Variants in BDH1 observed in about 807,000 individuals in gnomAD.
BDH1 encodes the protein D-beta-hydroxybutyrate dehydrogenase, mitochondrial.
BDH1 carries 30 observed loss-of-function variants against 33.1 expected under a neutral mutation model. That is an observed-to-expected ratio of 0.91 (90% CI 0.68 to 1.23). The LOEUF is 1.23. Among genes scored for constraint, BDH1 ranks in the 50% most tolerant of loss-of-function variants. The probability of loss-of-function intolerance (pLI) is 0.00; values close to 1 mark genes in which losing one functional copy is unlikely to be tolerated. For missense variants in BDH1, 443 were observed against 464.4 expected (o/e 0.95, Z 0.42); for synonymous variants, 190 against 183.6 (o/e 1.03, Z -0.28).
In BDH1 at chr3:197,561,372, C is replaced by T. The variant is rs565152834; in HGVS notation, c.-44+11809G>A. 8.5e-4 allele frequency among the ~76,000 whole-genome samples: 130 copies of T among 152,196 alleles called. 1 individual carries two copies. Among genetic ancestry groups the T allele is most frequent in the African/African-American group, 3.0e-3 (124 of 41,482 alleles). ...CTTTTTTTTGGAGTTTTATTTGCTT[C>T]CAACAAGGAAGGCAAGATTTCCTCT... On this transcript the variant is annotated intron_variant, in intron 1 of 6. Coordinates refer to the BDH1 transcript ENST00000358186.
At chr3:197,568,945 TG>T (rs1196105399) in intron 1 of BDH1, among the ~76,000 whole-genome samples, 1 of 152,234 alleles carries the variant, frequency 6.6e-6, no homozygotes, top group Non-Finnish European at 1.5e-5. Context: ...TAGCAATAAA[TG>T]GTTCATTTCT....
upstream of BDH1, among the ~76,000 whole-genome samples, chr3:197,558,413 T>C (rs111782362): frequency 6.6e-6 from 1 of 152,216 alleles, no homozygotes; most frequent in Non-Finnish European, 1.5e-5. Flanking sequence ...TTCTGAGATA[T>C]GTTCTATGCA....
chr3:197,535,976 G>A (rs145034270), intron 3 of BDH1, among the ~76,000 whole-genome samples: 3,356 of 152,066 alleles, frequency 0.022, 126 homozygotes, highest in African/African-American at 0.077. Context: ...AGCCCAGGAG[G>A]CAGAGGTTGC....
intron 1 of BDH1, among the ~76,000 whole-genome samples, chr3:197,561,995 T>G (rs1455164159): frequency 1.3e-5 from 2 of 151,872 alleles, no homozygotes; most frequent in African/African-American, 4.8e-5. Context: ...CCTTTTGGAG[T>G]GTTGTGTTTT....
upstream of BDH1, among the ~76,000 whole-genome samples, chr3:197,557,396 C>A (rs1717100642): frequency 6.6e-6 from 1 of 152,172 alleles, no homozygotes; most frequent in Admixed American, 6.5e-5. The surrounding 1 kb of genome is among the most constrained non-coding windows in gnomAD (Gnocchi z 4.6). Flanking sequence ...ATGAAACTTG[C>A]AAATACAGGA....
At chr3:197,548,722 G>A (rs1332465664) in intron 2 of BDH1, among the ~76,000 whole-genome samples, 1 of 152,140 alleles carries the variant, frequency 6.6e-6, no homozygotes, top group Non-Finnish European at 1.5e-5. Context: ...GTGGTGGCGG[G>A]CGCCCACAGT....
chr3:197,566,344 C>A (rs895620409), intron 1 of BDH1, among the ~76,000 whole-genome samples: 26 of 152,238 alleles, frequency 1.7e-4, no homozygotes, highest in African/African-American at 6.3e-4. Context: ...TTTGTCTACA[C>A]AGCCATTGTA....
Position 197,525,865 on chromosome 3 carries a change from C to CCTCTGCAGGTCTGT in BDH1, c.268-3085_268-3084insACAGACCTGCAGAG, listed in dbSNP as rs1560315286. Among the ~76,000 whole-genome samples, 473 of 151,946 alleles carry CCTCTGCAGGTCTGT rather than the reference C, an allele frequency of 3.1e-3. 3 individuals carry two copies. The highest frequency in any genetic ancestry group is 0.011 in the African/African-American group (442 of 41,458). ...TTTCTGTGCTCCCTCTGCAGGTCTCCGTGCTCCCTCTGCAGGTCTGTGTGC... is the reference window on the plus strand; with the variant it reads ...TTTCTGTGCTCCCTCTGCAGGTCTCCCTCTGCAGGTCTGTGTGCTCCCTCTGCAGGTCTGTGTGC... On this transcript the variant is annotated intron_variant, in intron 5 of 7. Transcript: ENST00000392379. This position sits in a 1 kb window ranked among gnomAD's most constrained non-coding sequence, Gnocchi z 4.9.
intron 5 of BDH1, among the ~76,000 whole-genome samples, chr3:197,527,551 T>C (rs1159585573): frequency 1.3e-5 from 2 of 152,096 alleles, no homozygotes; most frequent in Non-Finnish European, 1.5e-5. Flanking sequence ...TCTTTCCAGA[T>C]GGTGGTGAGA....
upstream of BDH1, among the ~76,000 whole-genome samples, chr3:197,559,065 C>T (rs369540301): frequency 5.3e-4 from 79 of 148,624 alleles, no homozygotes; most frequent in Admixed American, 1.8e-3. Flanking sequence ...TGCAATGGTG[C>T]GATCTCGGCT....
rs183492288 is a variant in BDH1 at position 197,526,936 on chromosome 3, C to T, written c.268-4155G>A. Among the ~76,000 whole-genome samples the T allele has an allele frequency of 7.2e-5, 11 of 152,348 alleles. No homozygotes were observed. In the East Asian group the frequency reaches 1.9e-3, roughly 27 times the overall value. ...CTCCAAGGCATTCATATGAAGCCCA[C>T]CTCATTTTACTTGCCATCAGAGGGA... On this transcript the variant is annotated intron_variant, in intron 5 of 7. Coordinates refer to ENST00000392379, the MANE Select transcript of BDH1 (RefSeq NM_203314.3). This position sits in a 1 kb window ranked among gnomAD's most constrained non-coding sequence, Gnocchi z 4.7.
intron 1 of BDH1, among the ~76,000 whole-genome samples, chr3:197,566,048 G>A (rs538372114): frequency 6.6e-6 from 1 of 152,288 alleles, no homozygotes; most frequent in African/African-American, 2.4e-5. Context: ...GCTATTTACA[G>A]CTTTTAACAA....
At chr3:197,548,978 T>C (rs1560337043) in intron 2 of BDH1, among the ~76,000 whole-genome samples, 1 of 152,226 alleles carries the variant, frequency 6.6e-6, no homozygotes, top group African/African-American at 2.4e-5. Flanking sequence ...ACTGCAGGGC[T>C]CCCAAAGACT....
chr3:197,537,546 C>T (rs1181265652), intron 3 of BDH1, among the ~76,000 whole-genome samples: 1 of 152,198 alleles, frequency 6.6e-6, no homozygotes, highest in Non-Finnish European at 1.5e-5. Flanking sequence ...CTAGAAATTA[C>T]AGCACTATGT....
chr3:197,572,633 A>G (rs1395196726), intron 1 of BDH1, among the ~76,000 whole-genome samples: 1 of 152,168 alleles, frequency 6.6e-6, no homozygotes, highest in Non-Finnish European at 1.5e-5. Flanking sequence ...GCTACTCAGG[A>G]GACTGAGACA....
chr3:197,547,090 C>T (rs1464391889), intron 2 of BDH1, among the ~76,000 whole-genome samples: 1 of 148,268 alleles, frequency 6.7e-6, no homozygotes. Context: ...AAATAAGAGA[C>T]TCTTGTAATT....
chr3:197,547,675 C>T (rs565069116), intron 2 of BDH1, among the ~76,000 whole-genome samples: 5 of 152,376 alleles, frequency 3.3e-5, no homozygotes, highest in East Asian at 3.9e-4. Flanking sequence ...TCAAGCTATG[C>T]GACTTCCGTG....
At chr3:197,563,192 T>A (rs960309807) in intron 1 of BDH1, among the ~76,000 whole-genome samples, 3 of 152,268 alleles carry the variant, frequency 2.0e-5, no homozygotes, top group African/African-American at 7.2e-5. Flanking sequence ...TATAATTTTA[T>A]GTCCAATTGT....
At chr3:197,564,654 G>C (rs1717374457) in intron 1 of BDH1, among the ~76,000 whole-genome samples, 1 of 152,182 alleles carries the variant, frequency 6.6e-6, no homozygotes, top group Admixed American at 6.5e-5. Flanking sequence ...ATGTGAGATT[G>C]TAAGAGCCAA....
Sources: allele counts gnomAD v4.1 joint callset (sites outside exome capture counted in the v4.1 genomes callset), GRCh38; gene constraint gnomAD v4.1.1; non-coding constraint Gnocchi (gnomAD v3.1); transcripts MANE v1.5; gene names NCBI Gene and HGNC (gene_info 2026-07-23, HGNC 2026-07-21).